The following DIP2A variants were observed in gnomAD, a reference collection of about 807,000 sequenced individuals.
The protein encoded by DIP2A is disco-interacting protein 2 homolog A.
In DIP2A, 85 loss-of-function variants were observed where a neutral mutation model predicts 177.4. The ratio of observed to expected loss-of-function variants is 0.48; its 90% CI spans 0.40 to 0.57. The LOEUF is 0.57. DIP2A is among the 20% of genes least tolerant of loss of function. The pLI is 0.00. For missense variants in DIP2A, 1,791 were observed against 2,100.2 expected (o/e 0.85, Z 2.88); for synonymous variants, 886 against 881.8 (o/e 1.00, Z -0.08).
intron 8 of DIP2A, among the ~76,000 whole-genome samples, chr21:46,525,237 C>T (rs1355812219): frequency 6.6e-6 from 1 of 152,078 alleles, no homozygotes; most frequent in East Asian, 1.9e-4. Context: ...TGGCTGAGAT[C>T]AAAACATTAT....
Position 46,540,817 on chromosome 21 carries a change from C to T in DIP2A, c.2036+826C>T, listed in dbSNP as rs576603016. Among the ~76,000 whole-genome samples the T allele has an allele frequency of 1.6e-4, 24 of 152,142 alleles. No homozygotes were observed. The South Asian group carries it at 4.2e-3, about 26-fold the overall frequency. On this transcript the variant is annotated intron_variant, in intron 17 of 37. Transcript: ENST00000417564. ...TCACCTTAGGTTAGGAGTTCGAGAC[C>T]GGCCTGGCCAACATAGTGAAACCCC...
At chr21:46,466,437 C>T (rs192526174) in intron 1 of DIP2A, among the ~76,000 whole-genome samples, 1 of 149,088 alleles carries the variant, frequency 6.7e-6, no homozygotes, top group African/African-American at 2.5e-5. Context: ...CAACCTCTGC[C>T]TCCCAGGTTG....
At position 46,554,634 on chromosome 21, in the gene DIP2A, G is replaced by A. The variant is rs749097188; in HGVS notation, c.3214G>A (p.Val1072Met). 5.6e-6 allele frequency: 9 copies of A among 1,602,138 alleles called. No individual in the cohort carries two copies. Among genetic ancestry groups the A allele is most frequent in the Admixed American group, 1.7e-5 (1 of 58,240 alleles). The change falls in exon 27 of 38, where the codon GTG becomes ATG. Residue 1072 changes from valine to methionine, a missense_variant. Transcript: ENST00000417564. Reference sequence around the variant, plus strand: ...GTACTGTGGCTGCGTGCCTGTCACCGTGCGGCCCCCGCACCCTCAGAACCT... The same window carrying A: ...GTACTGTGGCTGCGTGCCTGTCACCATGCGGCCCCCGCACCCTCAGAACCT... ...CLYCGCVPVT[V>M]RPPHPQNLGT...
At position 46,551,870 on chromosome 21, in the gene DIP2A, C is replaced by G; in HGVS notation, c.2996C>G (p.Pro999Arg). ...DVLQWRAHTT[P>R]DHPLFLLLNA... ...CTGCAGTGGCGTGCCCACACCACTC[C>G]TGACCACCCGCTGTTCTTGCTGCTG... The change falls in exon 25 of 38, where the codon CCT (proline) becomes CGT (arginine). Residue 999 changes from proline to arginine, a missense_variant. Coordinates refer to ENST00000417564, the MANE Select transcript of DIP2A (RefSeq NM_015151.4). 6.2e-7 allele frequency: 1 copy of G among 1,610,746 alleles called. No individual in the cohort carries two copies. Among genetic ancestry groups the G allele is most frequent in the Non-Finnish European group, 8.5e-7 (1 of 1,178,666 alleles).
chr21:46,483,419 T>G (rs2056483162), intron 1 of DIP2A, among the ~76,000 whole-genome samples: 1 of 149,726 alleles, frequency 6.7e-6, no homozygotes, highest in African/African-American at 2.5e-5. Flanking sequence ...CAGATAAGCA[T>G]GAGAGGCTTG....
intron 3 of DIP2A, among the ~76,000 whole-genome samples, chr21:46,494,824 C>A (rs922003253): frequency 6.6e-6 from 1 of 152,172 alleles, no homozygotes; most frequent in Admixed American, 6.5e-5. Flanking sequence ...GGAATCTCTT[C>A]AAATTGGCTC....
At chr21:46,499,809 A>G (rs2057552098) in intron 5 of DIP2A, among the ~76,000 whole-genome samples, 1 of 152,104 alleles carries the variant, frequency 6.6e-6, no homozygotes, top group African/African-American at 2.4e-5. Context: ...TTTTTTTCCC[A>G]GATGAGGAAG....
chr21:46,492,389 C>G (rs868613473), intron 3 of DIP2A, among the ~76,000 whole-genome samples: 3 of 152,204 alleles, frequency 2.0e-5, no homozygotes, highest in Non-Finnish European at 4.4e-5. Flanking sequence ...TCTTGATGAT[C>G]ATACCTTAAT....
In DIP2A at chr21:46,539,920, C is replaced by G. The variant is rs773418824; in HGVS notation, c.1965C>G (p.Ser655=). ...ACGCCTTCCTCAACGTCTTCCAGTCCAGAGGTCTGAGGCCAGAGGTCATCT... is the reference window on the plus strand; with the variant it reads ...ACGCCTTCCTCAACGTCTTCCAGTCGAGAGGTCTGAGGCCAGAGGTCATCT... ...SCDAFLNVFQ[S]RGLRPEVICP... is the part of the protein sequence containing the mutation. The change falls in exon 17 of 38, where the codon TCC becomes TCG. Residue 655 remains serine, a synonymous_variant. Transcript: ENST00000417564. The G allele has an allele frequency of 1.3e-5, 21 of 1,613,882 alleles. No individual in the cohort carries two copies. The Admixed American group carries it at 2.7e-4, about 20-fold the overall frequency.
rs1158172575 is a variant in DIP2A, at chr21:46,564,063, C to T, written c.4164+131C>T. 72 of 1,007,760 alleles carry T rather than the reference C, an allele frequency of 7.1e-5. No individual in the cohort carries two copies. The East Asian group carries it at 1.8e-3, about 26-fold the overall frequency. The allele number at this position is 1,007,760 out of a possible 1,614,324, so 62.4% of individuals were successfully genotyped here. A position where few individuals can be genotyped will look rare whatever the true frequency, so the allele number is the denominator to read the frequency against. ...TCTACCAGAAACCATTTGGCCCTTG[C>T]CCCGTGTACCTCCCAGACCCAGTTC... On this transcript the variant is annotated intron_variant, in intron 35 of 37. Transcript: ENST00000417564.
At chr21:46,538,399 T>C (rs2059661624) in intron 15 of DIP2A, 84 bp from the exon 16 acceptor site, 1 of 1,486,362 alleles carries the variant, frequency 6.7e-7, no homozygotes, top group African/African-American at 1.4e-5. Flanking sequence ...CACCTCTCTG[T>C]GGGATGAGGT....
chr21:46,539,971 G>T lies in DIP2A; in HGVS notation c.2016G>T (p.Ala672=), dbSNP rs765284817. ...GTCCTTGTGCAAGTTCTCCTGAGGC[G>T]CTGACTGTCGCCATCCGCAGGTAAC... is the stretch of plus-strand genomic sequence containing the variant. ...VICPCASSPE[A]LTVAIRRPPD... Residue 672 remains alanine, a synonymous_variant, in exon 17 of 38, where the codon GCG becomes GCT. Coordinates refer to ENST00000417564, the MANE Select transcript of DIP2A (RefSeq NM_015151.4). 6.2e-7 allele frequency: 1 copy of T among 1,613,952 alleles called. No homozygotes were observed. Among genetic ancestry groups the T allele is most frequent in the South Asian group, 1.1e-5 (1 of 91,076 alleles).
chr21:46,489,597 G>T (rs974276863), intron 2 of DIP2A, among the ~76,000 whole-genome samples: 1 of 152,202 alleles, frequency 6.6e-6, no homozygotes, highest in Admixed American at 6.5e-5. Context: ...GCCACACTGC[G>T]CTTGTTGGGG....
the DIP2A span, among the ~76,000 whole-genome samples, chr21:46,576,646 G>A: frequency 6.6e-6 from 1 of 152,128 alleles, no homozygotes; most frequent in East Asian, 1.9e-4. Flanking sequence ...ACCCAGTAAC[G>A]GGATTGCTGG....
intron 2 of DIP2A, among the ~76,000 whole-genome samples, chr21:46,486,881 C>G (rs971783818): frequency 9.9e-5 from 15 of 152,206 alleles, no homozygotes; most frequent in Non-Finnish European, 8.8e-5. Flanking sequence ...AGAATTCATA[C>G]AGCGGAAAGC....
At chr21:46,536,271 T>A (rs1307019499) in intron 13 of DIP2A, among the ~76,000 whole-genome samples, 1 of 152,234 alleles carries the variant, frequency 6.6e-6, no homozygotes, top group African/African-American at 2.4e-5. Flanking sequence ...CTCTGTCCTT[T>A]CTGCCTGTGC....
chr21:46,511,750 A>G (rs2148631495), intron 8 of DIP2A, 136 bp downstream of exon 8: 1 of 935,904 alleles, frequency 1.1e-6, no homozygotes, highest in Non-Finnish European at 1.5e-6. Flanking sequence ...ACATTGACCT[A>G]TACCAGGTAC....
chr21:46,493,898 T>C (rs1410976340), intron 3 of DIP2A, among the ~76,000 whole-genome samples: 1 of 152,208 alleles, frequency 6.6e-6, no homozygotes, highest in Non-Finnish European at 1.5e-5. Context: ...CCAGAAATTC[T>C]GGGCCATCCA....
chr21:46,548,174 A>ATGTGTGTGTGTGTGTGTG, intron 21 of DIP2A, among the ~76,000 whole-genome samples: 1 of 144,598 alleles, frequency 6.9e-6, no homozygotes, highest in African/African-American at 2.6e-5. Context: ...GTGCTCATGC[A>ATGTGTGTGTGTGTGTGTG]TGTGTGCGTG....
Sources: allele counts gnomAD v4.1 joint callset (sites outside exome capture counted in the v4.1 genomes callset), GRCh38; gene constraint gnomAD v4.1.1; transcripts MANE v1.5; gene names NCBI Gene and HGNC (gene_info 2026-07-23, HGNC 2026-07-21).